TOM1: variants seen among roughly 807,000 people sequenced by gnomAD.
TOM1 encodes target of Myb protein 1.
A neutral mutation model predicts 61.3 loss-of-function variants in TOM1; 38 were observed. The ratio of observed to expected loss-of-function variants is 0.62; its 90% CI spans 0.48 to 0.81. The LOEUF is 0.81. Ranked by LOEUF, TOM1 falls within the 40% of genes least tolerant of loss-of-function variation. The pLI is 0.00. For missense variants in TOM1, 591 were observed against 659.6 expected, an observed-to-expected ratio of 0.90 and a Z score of 1.14; for synonymous variants, 270 against 268.8, an observed-to-expected ratio of 1.00 and a Z score of -0.04.
intron 1 of TOM1, among the ~76,000 whole-genome samples, chr22:35,313,779 G>A (rs1453565447): frequency 6.6e-6 from 1 of 152,190 alleles, no homozygotes; most frequent in Non-Finnish European, 1.5e-5. Flanking sequence ...GGACGCACAG[G>A]TGCCCAGTGA....
chr22:35,345,486 C>T, intron 12 of TOM1: 1 of 586,752 alleles, frequency 1.7e-6, no homozygotes, highest in Non-Finnish European at 3.1e-6. Flanking sequence ...GGAAGGAGCT[C>T]CCTCTGACCC....
In TOM1 at chr22:35,347,215, G is replaced by A. The variant is rs1225194517; in HGVS notation, c.*6G>A. 6.2e-7 allele frequency: 1 copy of A among 1,600,658 alleles called. No homozygotes were observed. Among genetic ancestry groups the A allele is most frequent in the East Asian group, 2.2e-5 (1 of 44,628 alleles). Reference sequence around the variant, plus strand: ...ACATGCTGTTTGCCTTATGAGTGTGGGGTCTGGCACCCTGCAGCCCAGGTC... The same window carrying A: ...ACATGCTGTTTGCCTTATGAGTGTGAGGTCTGGCACCCTGCAGCCCAGGTC... On this transcript the variant is annotated 3_prime_UTR_variant, in exon 15 of 15. Transcript: ENST00000449058.
intron 1 of TOM1, among the ~76,000 whole-genome samples, chr22:35,303,150 C>CACACACACACACA (rs1197258046): frequency 6.6e-5 from 5 of 75,634 alleles, no homozygotes; most frequent in African/African-American, 1.8e-4. Flanking sequence ...ACACACACAC[C>CACACACACACACA]CCTTTGTGCT....
At position 35,333,424 on chromosome 22, in the gene TOM1, G is replaced by A. The variant is rs141753674; in HGVS notation, c.954G>A (p.Pro318=). 1.0e-4 allele frequency: 162 copies of A among 1,614,016 alleles called. No individual in the cohort carries two copies. The African/African-American group carries it at 1.7e-3, about 17-fold the overall frequency. Residue 318 remains proline (P), a synonymous_variant, in exon 10 of 15, where the codon CCG becomes CCA. Transcript: ENST00000449058. ...QTTKAPSEAE[P]AADLIDMGPD... ...ACCAGGCCCCAAGTGAGGCCGAGCC[G>A]GCAGCTGACCTGATCGACATGGGCC...
At chr22:35,310,834 A>AGAT (rs1926757450) in intron 1 of TOM1, among the ~76,000 whole-genome samples, 1 of 152,312 alleles carries the variant, frequency 6.6e-6, no homozygotes, top group South Asian at 2.1e-4. Context: ...TGGGAGAGAG[A>AGAT]GATGTAGAAA....
chr22:35,307,685 C>T (rs570148965), intron 1 of TOM1, among the ~76,000 whole-genome samples: 22 of 152,150 alleles, frequency 1.4e-4, no homozygotes, highest in Admixed American at 8.5e-4. Flanking sequence ...AAGGGAAGGA[C>T]GGAGCCTGGA....
chr22:35,338,500 C>T (rs1336629222), intron 11 of TOM1, among the ~76,000 whole-genome samples: 1 of 152,140 alleles, frequency 6.6e-6, no homozygotes, highest in African/African-American at 2.4e-5. Flanking sequence ...TGGCCAGCAA[C>T]ACCCTCCCTA....
chr22:35,306,753 G>T (rs1177955896), intron 1 of TOM1, among the ~76,000 whole-genome samples: 1 of 150,212 alleles, frequency 6.7e-6, no homozygotes, highest in Non-Finnish European at 1.5e-5. Context: ...CTGGGACCCA[G>T]TCTAAGTTAG....
chr22:35,300,762 C>G (rs1601654985), intron 1 of TOM1, among the ~76,000 whole-genome samples: 1 of 152,204 alleles, frequency 6.6e-6, no homozygotes, highest in Non-Finnish European at 1.5e-5. Flanking sequence ...ACGCAGCCTC[C>G]CTGGGCCGAG....
chr22:35,347,619 C>T lies in TOM1; in HGVS notation c.*410C>T. The T allele has an allele frequency of 6.2e-6, 1 of 161,326 alleles. No homozygotes were observed. The highest frequency in any genetic ancestry group is 1.8e-4 in the East Asian group (1 of 5,468). 10.0% of individuals were successfully genotyped at this position (161,326 alleles called of 1,614,324 possible). ...CAGTCGAGGCCTGGCTGGAGGCTGG[C>T]CACAGTGGAAATTCTGCCGAGCCTC... On this transcript the variant is annotated 3_prime_UTR_variant, in exon 15 of 15. Transcript: ENST00000449058.
chr22:35,330,340 C>G lies in TOM1; in HGVS notation c.766-7C>G, dbSNP rs1569032157. Reference sequence around the variant, plus strand: ...GACTGTGGTTGCCTCACTTCCTTTCCTGGCAGGAGCTCAACCGCACGTGCC... The same window carrying G: ...GACTGTGGTTGCCTCACTTCCTTTCGTGGCAGGAGCTCAACCGCACGTGCC... On this transcript the variant is annotated splice_region_variant and splice_polypyrimidine_tract_variant and intron_variant, in intron 7 of 14. Transcript: ENST00000449058. 23 of 1,606,748 alleles carry G rather than the reference C, an allele frequency of 1.4e-5. No individual in the cohort carries two copies. The highest frequency in any genetic ancestry group is 5.1e-5 in the Admixed American group (3 of 58,262).
intron 12 of TOM1, among the ~76,000 whole-genome samples, chr22:35,343,677 C>T (rs1441370567): frequency 7.0e-6 from 1 of 143,882 alleles, no homozygotes; most frequent in Non-Finnish European, 1.5e-5. Context: ...CACCCTTACA[C>T]ACACCACACC....
chr22:35,321,870 C>G (rs1927822036), intron 2 of TOM1, 89 bp from the exon 3 acceptor site: 1 of 1,096,082 alleles, frequency 9.1e-7, no homozygotes. Flanking sequence ...GAGGATGGGC[C>G]AATAAGAACT....
rs116912627 is a variant in TOM1, at chr22:35,323,308, G to C, written c.366+131G>C. On this transcript the variant is annotated intron_variant, in intron 4 of 14. Coordinates refer to ENST00000449058, the MANE Select transcript of TOM1 (RefSeq NM_005488.3). This position sits in a 1 kb window ranked among gnomAD's most constrained non-coding sequence, Gnocchi z 4.2. ...CTCATTTCGGGGCGTCTCGGTTGTC[G>C]GCTGGTGGGATGTTCTGTGGGGAGG... 7.0e-7 allele frequency: 1 copy of C among 1,432,226 alleles called. No individual in the cohort carries two copies. The highest frequency in any genetic ancestry group is 1.2e-5 in the South Asian group (1 of 82,520). The allele number at this position is 1,432,226 out of a possible 1,614,324, so 88.7% of individuals were successfully genotyped here.
intron 2 of TOM1, among the ~76,000 whole-genome samples, chr22:35,321,194 A>G (rs1049784219): frequency 2.6e-5 from 4 of 151,966 alleles, no homozygotes; most frequent in Non-Finnish European, 2.9e-5. Context: ...TATTTTTGTA[A>G]TGAAAACATT....
intron 7 of TOM1, 77 bp downstream of exon 7, chr22:35,327,464 A>C: frequency 9.7e-7 from 1 of 1,030,890 alleles, no homozygotes; most frequent in Non-Finnish European, 1.5e-6. Flanking sequence ...CCCAATCCTC[A>C]TGACAGTCTT....
In TOM1 at chr22:35,333,465, C is replaced by T. The variant is rs1487736190; in HGVS notation, c.995C>T (p.Thr332Ile). The T allele has an allele frequency of 1.9e-6, 3 of 1,614,148 alleles. No homozygotes were observed. Among genetic ancestry groups the T allele is most frequent in the Non-Finnish European group, 2.5e-6 (3 of 1,180,028 alleles). The change falls in exon 10 of 15, where the codon ACC becomes ATC. Residue 332 changes from threonine (T) to isoleucine (I), a missense_variant. By Grantham distance (89) the Thr-to-Ile change is moderately conservative (BLOSUM62 -1). Transcript: ENST00000449058. ...GACATGGGCCCTGACCCAGCAGCCA[C>T]CGGCAACCTCTCATCCCAGCTGGCA... ...LIDMGPDPAATGNLSSQLAGM... is the reference protein window; with the variant it reads ...LIDMGPDPAAIGNLSSQLAGM...
At chr22:35,314,489 G>C (rs1040623330) in intron 1 of TOM1, among the ~76,000 whole-genome samples, 1 of 152,080 alleles carries the variant, frequency 6.6e-6, no homozygotes, top group Admixed American at 6.5e-5. Context: ...TGATTGCCGG[G>C]TATGGGATTT....
intron 14 of TOM1, 42 bp downstream of exon 14, chr22:35,347,011 G>T: frequency 6.2e-7 from 1 of 1,608,358 alleles, no homozygotes; most frequent in Non-Finnish European, 8.5e-7. Context: ...TTTCCCCAGG[G>T]CTCTGGCCTC....
Sources: allele counts gnomAD v4.1 joint callset (sites outside exome capture counted in the v4.1 genomes callset), GRCh38; gene constraint gnomAD v4.1.1; non-coding constraint Gnocchi (gnomAD v3.1); transcripts MANE v1.5; gene names NCBI Gene and HGNC (gene_info 2026-07-23, HGNC 2026-07-21).